GALNT13: variants seen among roughly 807,000 people sequenced by gnomAD.
GALNT13 encodes UDP-GalNAc:polypeptide N-acetylgalactosaminyltransferase 13.
A neutral mutation model predicts 64.2 loss-of-function variants in GALNT13; 28 were observed. That is an observed-to-expected ratio of 0.44 (90% confidence interval 0.32 to 0.60). The LOEUF is 0.60. Among genes scored for constraint, GALNT13 ranks in the 20% least tolerant of loss-of-function variants. GALNT13 has a pLI of 0.05. For synonymous variants in GALNT13, 214 were observed against 224.6 expected (o/e 0.95, Z 0.42); for missense variants, 577 against 669.8 (o/e 0.86, Z 1.53).
At chr2:154,223,448 CT>C (rs61230257) in intron 4 of GALNT13, among the ~76,000 whole-genome samples, 216 of 124,312 alleles carry the variant, frequency 1.7e-3, no homozygotes, top group East Asian at 7.6e-3. Context: ...TTTTCTTTTT[CT>C]TTTTTTTTTT....
chr2:153,524,141 A>C, the GALNT13 span, among the ~76,000 whole-genome samples: 1 of 152,146 alleles, frequency 6.6e-6, no homozygotes, highest in Non-Finnish European at 1.5e-5. Flanking sequence ...TCACCTTTGC[A>C]TATCTGGCAT....
the GALNT13 span, among the ~76,000 whole-genome samples, chr2:153,400,911 G>T: frequency 6.6e-5 from 10 of 151,668 alleles, no homozygotes; most frequent in Admixed American, 2.6e-4. Flanking sequence ...AGGGTTTTTT[G>T]TGTCTCTATT....
chr2:153,615,924 G>T, the GALNT13 span, among the ~76,000 whole-genome samples: 7 of 151,944 alleles, frequency 4.6e-5, no homozygotes, highest in African/African-American at 1.2e-4. Flanking sequence ...CTGTGCAGAA[G>T]CTTTTTAACT....
intron 12 of GALNT13, among the ~76,000 whole-genome samples, chr2:154,445,559 A>G (rs1701524255): frequency 1.3e-5 from 2 of 152,002 alleles, no homozygotes; most frequent in African/African-American, 4.8e-5. Flanking sequence ...TTAAAAAATC[A>G]AGCTATATAG....
intron 1 of GALNT13, among the ~76,000 whole-genome samples, chr2:153,891,519 G>A (rs891584927): frequency 1.3e-5 from 2 of 151,844 alleles, no homozygotes; most frequent in East Asian, 1.9e-4. Context: ...ATAAGAATTT[G>A]CCTGGAAATT....
chr2:153,294,874 T>G, the GALNT13 span, among the ~76,000 whole-genome samples: 1 of 152,036 alleles, frequency 6.6e-6, no homozygotes. Context: ...AAGAAAAAAG[T>G]TTTTTCACTG....
chr2:153,798,272 T>C, the GALNT13 span, among the ~76,000 whole-genome samples: 1 of 152,182 alleles, frequency 6.6e-6, no homozygotes, highest in Non-Finnish European at 1.5e-5. Flanking sequence ...AGTTTAGCAT[T>C]TACTTAAACA....
intron 7 of GALNT13, among the ~76,000 whole-genome samples, chr2:154,246,214 T>C (rs922292911): frequency 5.3e-5 from 8 of 152,120 alleles, no homozygotes; most frequent in African/African-American, 1.9e-4. Flanking sequence ...TTTGAAAGTT[T>C]ATGTATTCTT....
chr2:153,857,643 A>C, the GALNT13 span, among the ~76,000 whole-genome samples: 4 of 152,204 alleles, frequency 2.6e-5, no homozygotes. Flanking sequence ...TCACATAGGA[A>C]TATTCTGCAC....
chr2:154,053,191 C>G (rs1475236323), intron 3 of GALNT13, among the ~76,000 whole-genome samples: 1 of 152,068 alleles, frequency 6.6e-6, no homozygotes, highest in African/African-American at 2.4e-5. Flanking sequence ...TAAGAAAGAA[C>G]ACTGAACTTG....
At chr2:153,350,904 G>T in the GALNT13 span, among the ~76,000 whole-genome samples, 1 of 152,034 alleles carries the variant, frequency 6.6e-6, no homozygotes, top group Admixed American at 6.6e-5. Flanking sequence ...AAAAAACTCT[G>T]ATTTAATTTT....
chr2:154,351,305 A>C (rs1216240680), intron 9 of GALNT13, among the ~76,000 whole-genome samples: 1 of 152,140 alleles, frequency 6.6e-6, no homozygotes, highest in Non-Finnish European at 1.5e-5. Flanking sequence ...TGGAAATATG[A>C]ATTAACTTTA....
At chr2:154,180,475 T>C (rs1685895575) in intron 4 of GALNT13, among the ~76,000 whole-genome samples, 1 of 152,060 alleles carries the variant, frequency 6.6e-6, no homozygotes, top group South Asian at 2.1e-4. Context: ...TTACAATTTC[T>C]TGCTGAAAGA....
the GALNT13 span, among the ~76,000 whole-genome samples, chr2:153,309,769 T>C: frequency 6.6e-6 from 1 of 152,138 alleles, no homozygotes; most frequent in East Asian, 1.9e-4. Context: ...GTATAATTTG[T>C]AGTTTTACAA....
rs539377238 is a variant in GALNT13, at chr2:154,150,218, A to G, written c.311+9713A>G. On this transcript the variant is annotated intron_variant, in intron 4 of 12. Coordinates refer to ENST00000392825, the MANE Select transcript of GALNT13 (RefSeq NM_052917.4). ...TTTTTGTCTTTGGTTCTGTTTATAT[A>G]CTGGATTACATTTATTGATTTGTGT... Among the ~76,000 whole-genome samples the G allele has an allele frequency of 5.1e-3, 769 of 151,990 alleles. 5 individuals are homozygous for G. Among genetic ancestry groups the G allele is most frequent in the African/African-American group, 0.017 (723 of 41,456 alleles).
At chr2:153,913,339 C>T (rs972933372) in intron 2 of GALNT13, among the ~76,000 whole-genome samples, 2 of 152,028 alleles carry the variant, frequency 1.3e-5, no homozygotes, top group Admixed American at 1.3e-4. Context: ...TAGCAGGGTG[C>T]GTGCACACAC....
the GALNT13 span, among the ~76,000 whole-genome samples, chr2:153,728,027 G>A: frequency 6.6e-6 from 1 of 152,118 alleles, no homozygotes; most frequent in Admixed American, 6.5e-5. Flanking sequence ...AGTTTGCTGA[G>A]GATGATGGCT....
intron 8 of GALNT13, among the ~76,000 whole-genome samples, chr2:154,269,330 T>C (rs1367847700): frequency 6.6e-6 from 1 of 152,020 alleles, no homozygotes; most frequent in East Asian, 1.9e-4. Context: ...TAGACAAAAA[T>C]CCAGCTGATT....
intron 1 of GALNT13, among the ~76,000 whole-genome samples, chr2:153,872,749 C>T (rs1024045154): frequency 6.6e-6 from 1 of 151,702 alleles, no homozygotes; most frequent in African/African-American, 2.4e-5. Flanking sequence ...GCGTTGCGGG[C>T]GTTTCTACTC....
Sources: allele counts gnomAD v4.1 joint callset (sites outside exome capture counted in the v4.1 genomes callset), GRCh38; gene constraint gnomAD v4.1.1; transcripts MANE v1.5; gene names NCBI Gene and HGNC (gene_info 2026-07-23, HGNC 2026-07-21).